SYN2: variants seen among roughly 807,000 people sequenced by gnomAD.
SYN2 encodes synapsin-2.
SYN2 carries 19 observed loss-of-function variants against 50.9 expected under a neutral mutation model. That is an observed-to-expected ratio of 0.37 (90% CI 0.26 to 0.55). SYN2 has a LOEUF of 0.55. Ranked by LOEUF, SYN2 falls within the 20% of genes least tolerant of loss-of-function variation. The pLI, the probability that SYN2 is intolerant of heterozygous loss-of-function variation, is 0.81. For missense variants in SYN2, 587 were observed against 576.4 expected (o/e 1.02, Z -0.19); for synonymous variants, 255 against 224.9 (o/e 1.13, Z -1.20).
intron 1 of SYN2, chr3:12,070,793 C>A: frequency 1.6e-6 from 1 of 630,072 alleles, no homozygotes; most frequent in Non-Finnish European, 3.0e-6. Context: ...GGGGACCTGA[C>A]TGACTACCTC....
rs1447483009 is a variant in SYN2 at position 12,004,428 on chromosome 3, G to A, written c.-124G>A. The A allele has an allele frequency of 3.4e-6, 1 of 296,348 alleles. No individual in the cohort carries two copies. The highest frequency in any genetic ancestry group is 5.3e-5 in the Admixed American group (1 of 18,930). 18.4% of individuals were successfully genotyped at this position (296,348 alleles called of 1,614,324 possible). The stretch of plus-strand genomic sequence containing the variant: ...TCTGCGGGGTCTGGTGCCGGGGCCT[G>A]AGTCTCTGCTGGCTAAGCCGCCGCC... On this transcript the variant is annotated 5_prime_UTR_variant, in exon 1 of 13. Coordinates refer to ENST00000621198, the MANE Select transcript of SYN2 (RefSeq NM_133625.6).
At chr3:12,026,676 T>G (rs1694266124) in intron 1 of SYN2, among the ~76,000 whole-genome samples, 1 of 152,060 alleles carries the variant, frequency 6.6e-6, no homozygotes, top group Non-Finnish European at 1.5e-5. Context: ...ATATTGTGTG[T>G]GATGAAAAGG....
chr3:12,140,734 C>T, intron 2 of SYN2, 26 bp downstream of exon 2: 1 of 740,296 alleles, frequency 1.4e-6, no homozygotes, highest in Non-Finnish European at 2.5e-6. Flanking sequence ...CCCAGAGCTG[C>T]ATCCCCGTCA....
At chr3:12,143,303 T>A (rs73139695) in intron 3 of SYN2, among the ~76,000 whole-genome samples, 2,114 of 152,242 alleles carry the variant, frequency 0.014, 54 homozygotes, top group African/African-American at 0.048. Flanking sequence ...GTTTAATAGA[T>A]TGAGGGGATT....
At chr3:12,006,679 T>C (rs1476559516) in intron 1 of SYN2, among the ~76,000 whole-genome samples, 3 of 151,878 alleles carry the variant, frequency 2.0e-5, no homozygotes, top group Non-Finnish European at 4.4e-5. Context: ...CTATTATTAT[T>C]AGCAATATTA....
intron 5 of SYN2, among the ~76,000 whole-genome samples, chr3:12,151,926 T>G (rs968047460): frequency 6.6e-6 from 1 of 152,300 alleles, no homozygotes; most frequent in Non-Finnish European, 1.5e-5. Context: ...AGCAGAGAGA[T>G]GGGACGGTTG....
At chr3:12,129,758 A>C (rs538768772) in intron 1 of SYN2, among the ~76,000 whole-genome samples, 61 of 152,262 alleles carry the variant, frequency 4.0e-4, no homozygotes, top group African/African-American at 1.4e-3. Context: ...GCTGGGAATC[A>C]AGAAATAGGT....
At position 12,191,100 on chromosome 3, in the gene SYN2, G is replaced by A. The variant is rs555834357; in HGVS notation, c.*475G>A. ...GCCCTAAGTTTTAGGAACTTTCCCC[G>A]ACCTGGATCCCTTGTCATACCTGTG... On this transcript the variant is annotated 3_prime_UTR_variant, in exon 13 of 13. Transcript: ENST00000621198. 7.1e-6 allele frequency: 7 copies of A among 986,466 alleles called. No homozygotes were observed. The South Asian group carries it at 1.9e-4, about 26-fold the overall frequency. The allele number at this position is 986,466 out of a possible 1,614,324, so 61.1% of individuals were successfully genotyped here.
intron 1 of SYN2, among the ~76,000 whole-genome samples, chr3:12,075,720 A>G (rs1994077): frequency 0.093 from 14,123 of 152,192 alleles, 790 homozygotes; most frequent in East Asian, 0.18. Context: ...CCTGTATATG[A>G]CCAGTGATTT....
At chr3:12,026,618 G>C (rs942289796) in intron 1 of SYN2, among the ~76,000 whole-genome samples, 4 of 152,148 alleles carry the variant, frequency 2.6e-5, no homozygotes, top group Non-Finnish European at 5.9e-5. Flanking sequence ...TGAGGCAGAA[G>C]ATATGAAAAG....
chr3:12,070,374 G>A (rs1695322359), intron 1 of SYN2: 1 of 522,972 alleles, frequency 1.9e-6, no homozygotes, highest in Non-Finnish European at 3.9e-6. Context: ...TGGGTCAGAA[G>A]GACTCCTACG....
rs76856844 is a variant in SYN2, at chr3:12,191,744, G to A, written c.*1119G>A. ...AAATAAGCACAGAACCCTTGCTCCC[G>A]GAGGAGTCAATTTAGACTCACTTGC... is the stretch of plus-strand genomic sequence containing the variant. On this transcript the variant is annotated 3_prime_UTR_variant, in exon 13 of 13. Coordinates refer to ENST00000621198, the MANE Select transcript of SYN2 (RefSeq NM_133625.6). Among the ~76,000 whole-genome samples the A allele has an allele frequency of 3.7e-4, 57 of 152,184 alleles. No homozygotes were observed. In the East Asian group the frequency reaches 0.011, roughly 29 times the overall value.
In SYN2 at chr3:12,098,880, T is replaced by TATATAA. The variant is rs1553614789; in HGVS notation, c.378-41770_378-41769insTATAAA. 1.8e-4 allele frequency among the ~76,000 whole-genome samples: 26 copies of TATATAA among 145,518 alleles called. No individual in the cohort carries two copies. In the East Asian group the frequency reaches 3.8e-3, roughly 21 times the overall value. On this transcript the variant is annotated intron_variant, in intron 1 of 12. Coordinates refer to ENST00000621198, the MANE Select transcript of SYN2 (RefSeq NM_133625.6). ...GCATATATATATATATATATATATATAATGCAAATAGTAACCAAAAGAGAG... is the reference window on the plus strand; with the variant it reads ...GCATATATATATATATATATATATATATATAAAATGCAAATAGTAACCAAAAGAGAG...
At chr3:12,176,346 CTT>C (rs1698068068) in intron 10 of SYN2, among the ~76,000 whole-genome samples, 1 of 152,184 alleles carries the variant, frequency 6.6e-6, no homozygotes, top group Non-Finnish European at 1.5e-5. Flanking sequence ...TGGTTCCACT[CTT>C]TTTATTTTCC....
Position 12,187,505 on chromosome 3 carries a change from C to A in SYN2, c.1506C>A (p.Gly502=). ...CCTCCTCGGCTCCTCAGCGGCCGGG[C>A]GGCCCCACCACCCACGGAGATGCAC... ...SSSSSAPQRP[G]GPTTHGDAPS... Residue 502 remains glycine (G), a synonymous_variant, in exon 12 of 13, where the codon GGC becomes GGA. Coordinates refer to ENST00000621198, the MANE Select transcript of SYN2 (RefSeq NM_133625.6). The A allele has an allele frequency of 6.4e-7, 1 of 1,553,522 alleles. No individual in the cohort carries two copies. Among genetic ancestry groups the A allele is most frequent in the Non-Finnish European group, 8.7e-7 (1 of 1,147,796 alleles).
In SYN2 at chr3:12,187,566, C is replaced by A; in HGVS notation, c.1567C>A (p.Pro523Thr). The A allele has an allele frequency of 6.4e-7, 1 of 1,552,060 alleles. No homozygotes were observed. Residue 523 changes from proline (P) to threonine (T), a missense_variant, in exon 12 of 13, where the codon CCC (proline) becomes ACC (threonine). Transcript: ENST00000621198. ...SSSSLAEAQP[P>T]LAAPPQKPQP... ...CAGCTCCCTGGCAGAGGCCCAGCCA[C>A]CCCTGGCTGCTCCACCACAGAAGCC...
At chr3:12,040,694 A>G (rs547654068) in intron 1 of SYN2, among the ~76,000 whole-genome samples, 1 of 152,284 alleles carries the variant, frequency 6.6e-6, no homozygotes, top group East Asian at 1.9e-4. Context: ...ACTAGGCTTT[A>G]TAACTTTCAT....
intron 1 of SYN2, among the ~76,000 whole-genome samples, chr3:12,046,392 C>A (rs545849546): frequency 6.6e-6 from 1 of 151,948 alleles, no homozygotes; most frequent in Non-Finnish European, 1.5e-5. Context: ...AAAGACATTT[C>A]TTTGTGACTG....
At chr3:12,080,870 G>A (rs953763139) in intron 1 of SYN2, among the ~76,000 whole-genome samples, 1 of 152,124 alleles carries the variant, frequency 6.6e-6, no homozygotes, top group Non-Finnish European at 1.5e-5. Flanking sequence ...TTAATTTTCT[G>A]TCTCAATTAT....
Sources: gnomAD v4.1 joint callset for allele counts (sites outside exome capture counted in the v4.1 genomes callset) on GRCh38, gnomAD v4.1.1 for gene constraint, MANE v1.5 for transcripts, NCBI Gene and HGNC (gene_info 2026-07-23, HGNC 2026-07-21) for gene names.